WWOX: variants seen among roughly 807,000 people sequenced by gnomAD.
The protein encoded by WWOX is WW domain-containing oxidoreductase.
Under a neutral mutation model 46.2 loss-of-function variants are expected in WWOX, and 69 were observed. That is an observed-to-expected ratio of 1.49 (90% CI 1.23 to 1.82). WWOX has a LOEUF of 1.82. Among genes scored for constraint, WWOX ranks in the 40% most tolerant of loss-of-function variants. The pLI, the probability that WWOX is intolerant of heterozygous loss-of-function variation, is 0.00. For missense variants in WWOX, 919 were observed against 542.6 expected, an observed-to-expected ratio of 1.69 and a Z score of -6.89; for synonymous variants, 359 against 202.6, an observed-to-expected ratio of 1.77 and a Z score of -6.56.
intron 8 of WWOX, among the ~76,000 whole-genome samples, chr16:78,546,381 C>G (rs572455337): frequency 1.3e-5 from 2 of 152,064 alleles, no homozygotes; most frequent in South Asian, 4.2e-4. Context: ...CAACAGGTTT[C>G]GGGACTTGAA....
intron 8 of WWOX, chr16:79,077,367 C>A (rs1171499360): frequency 6.6e-6 from 1 of 152,100 alleles, no homozygotes; most frequent in Non-Finnish European, 1.5e-5. Flanking sequence ...TTGCCGTGGC[C>A]GGTCCCGACA....
intron 8 of WWOX, among the ~76,000 whole-genome samples, chr16:78,721,086 A>T (rs1488059908): frequency 6.6e-6 from 1 of 152,124 alleles, no homozygotes; most frequent in African/African-American, 2.4e-5. Flanking sequence ...TTGTAGATAT[A>T]TATTTATATA....
In WWOX at chr16:78,494,090, A is replaced by G. The variant is rs140119795; in HGVS notation, c.1056+61338A>G. ...GCCTCAGGAAACTTACAGTTATGGC[A>G]GAAGGTGAAGGGGAAGCAGGTAATG... On this transcript the variant is annotated intron_variant, in intron 8 of 8. Coordinates refer to ENST00000566780, the MANE Select transcript of WWOX (RefSeq NM_016373.4). Among the ~76,000 whole-genome samples the G allele has an allele frequency of 2.0e-5, 3 of 152,140 alleles. No individual in the cohort carries two copies. In the East Asian group the frequency reaches 5.8e-4, roughly 29 times the overall value.
intron 5 of WWOX, among the ~76,000 whole-genome samples, chr16:78,222,434 G>A (rs1451229528): frequency 6.6e-6 from 1 of 151,800 alleles, no homozygotes; most frequent in East Asian, 1.9e-4. Flanking sequence ...GTCCTGTAAT[G>A]AGTGTGCCAT....
At chr16:79,202,171 G>A (rs1424527480) in intron 8 of WWOX, among the ~76,000 whole-genome samples, 1 of 152,114 alleles carries the variant, frequency 6.6e-6, no homozygotes, top group Admixed American at 6.5e-5. Flanking sequence ...GACATTATAT[G>A]GGCCACAGAG....
intron 8 of WWOX, among the ~76,000 whole-genome samples, chr16:78,731,821 C>G (rs2048975536): frequency 6.6e-6 from 1 of 151,192 alleles, no homozygotes; most frequent in African/African-American, 2.4e-5. Context: ...ATAGCACTCC[C>G]CAATGCCAAT....
At chr16:78,377,720 A>C (rs948124726) in intron 5 of WWOX, among the ~76,000 whole-genome samples, 1 of 152,178 alleles carries the variant, frequency 6.6e-6, no homozygotes, top group African/African-American at 2.4e-5. Context: ...TGGCAGGATA[A>C]GCATTTTTTA....
At chr16:78,278,660 A>G (rs772384721) in intron 5 of WWOX, 3 of 1,608,592 alleles carry the variant, frequency 1.9e-6, no homozygotes, top group Non-Finnish European at 2.6e-6. Context: ...CCACTAGCAA[A>G]AGAAGGAAAA....
chr16:78,961,977 C>T (rs1383943440), intron 8 of WWOX, among the ~76,000 whole-genome samples: 3 of 152,158 alleles, frequency 2.0e-5, no homozygotes, highest in African/African-American at 7.2e-5. Flanking sequence ...TCTTTGTTGC[C>T]TTAAACAGAT....
intron 8 of WWOX, among the ~76,000 whole-genome samples, chr16:78,757,628 A>G (rs191571338): frequency 2.0e-5 from 3 of 152,208 alleles, no homozygotes; most frequent in Admixed American, 2.0e-4. Flanking sequence ...GTATTTATTT[A>G]TATGAATGAA....
chr16:78,677,912 C>T (rs550866858), intron 8 of WWOX, among the ~76,000 whole-genome samples: 11 of 152,276 alleles, frequency 7.2e-5, no homozygotes, highest in African/African-American at 2.4e-4. Flanking sequence ...AAAAAGTAGC[C>T]CGTTCCACTC....
chr16:78,698,106 ACT>A (rs2048138825), intron 8 of WWOX, among the ~76,000 whole-genome samples: 2 of 152,080 alleles, frequency 1.3e-5, no homozygotes, highest in African/African-American at 4.8e-5. Context: ...TATATTTTCA[ACT>A]CTCTCATTGG....
chr16:78,721,146 C>G (rs1236743291), intron 8 of WWOX, among the ~76,000 whole-genome samples: 2 of 152,082 alleles, frequency 1.3e-5, no homozygotes, highest in East Asian at 1.9e-4. Context: ...ATGTGGATAC[C>G]ACGTGGGATA....
chr16:78,968,369 G>A (rs1277257775), intron 8 of WWOX, among the ~76,000 whole-genome samples: 2 of 152,202 alleles, frequency 1.3e-5, no homozygotes, highest in African/African-American at 4.8e-5. Flanking sequence ...GCCATTTTGT[G>A]TAGATGGAGA....
At chr16:78,850,643 G>T (rs1341444242) in intron 8 of WWOX, among the ~76,000 whole-genome samples, 1 of 152,082 alleles carries the variant, frequency 6.6e-6, no homozygotes, top group East Asian at 1.9e-4. Context: ...GTTCACCATT[G>T]TTGAAGCTTT....
intron 8 of WWOX, among the ~76,000 whole-genome samples, chr16:78,952,385 T>A (rs1054214380): frequency 2.4e-5 from 2 of 81,872 alleles, no homozygotes; most frequent in African/African-American, 1.1e-4. Flanking sequence ...GTTTTTTGAG[T>A]TTTTTTTTTT....
intron 8 of WWOX, among the ~76,000 whole-genome samples, chr16:78,925,036 A>C (rs1482828323): frequency 6.6e-6 from 1 of 152,116 alleles, no homozygotes; most frequent in East Asian, 1.9e-4. Flanking sequence ...CTCTACAAAA[A>C]ATAAAAAAGT....
chr16:78,599,780 GTC>G (rs1372231337), intron 8 of WWOX, among the ~76,000 whole-genome samples: 1 of 152,126 alleles, frequency 6.6e-6, no homozygotes, highest in Non-Finnish European at 1.5e-5. Flanking sequence ...CTGAAGAAGA[GTC>G]TCAGTCTCTG....
intron 8 of WWOX, among the ~76,000 whole-genome samples, chr16:78,697,379 G>A (rs1445247912): frequency 2.6e-5 from 4 of 152,152 alleles, no homozygotes; most frequent in East Asian, 1.9e-4. Flanking sequence ...AGATGGTATC[G>A]CAAATGCAAC....
Sources: gnomAD v4.1 joint callset for allele counts (sites outside exome capture counted in the v4.1 genomes callset) on GRCh38, gnomAD v4.1.1 for gene constraint, MANE v1.5 for transcripts, NCBI Gene and HGNC (gene_info 2026-07-23, HGNC 2026-07-21) for gene names.